Variants in RXRG observed in about 807,000 individuals in gnomAD.
RXRG encodes the protein retinoic acid receptor RXR-gamma.
A neutral mutation model predicts 49.2 loss-of-function variants in RXRG; 19 were observed. That is an observed-to-expected ratio of 0.39 (90% CI 0.27 to 0.57). RXRG has a LOEUF of 0.57. RXRG is among the 20% of genes least tolerant of loss of function. The pLI, the probability that RXRG is intolerant of heterozygous loss-of-function variation, is 0.64. For synonymous variants in RXRG, 224 were observed against 216.6 expected (o/e 1.03, Z -0.30); for missense variants, 452 against 592.5 (o/e 0.76, Z 2.46).
chr1:165,432,985 T>A (rs1557924709), intron 1 of RXRG, among the ~76,000 whole-genome samples: 1 of 152,048 alleles, frequency 6.6e-6, no homozygotes, highest in Non-Finnish European at 1.5e-5. Context: ...TGGAAGTGAG[T>A]AGGCCATGAG....
rs1424345404 is a variant in RXRG, at chr1:165,409,917, C to T, written c.914-227G>A. On this transcript the variant is annotated intron_variant, in intron 6 of 9. Transcript: ENST00000359842. ...ACATCCCCCCACTCTCTCTCAGATG[C>T]AACCCAGAATGACAGCTTGAAGACA... Among the ~76,000 whole-genome samples the T allele has an allele frequency of 3.3e-5, 5 of 151,586 alleles. No homozygotes were observed. The East Asian group carries it at 5.8e-4, about 18-fold the overall frequency.
At chr1:165,411,382 A>C (rs1657942537) in intron 4 of RXRG, among the ~76,000 whole-genome samples, 1 of 152,064 alleles carries the variant, frequency 6.6e-6, no homozygotes, top group Non-Finnish European at 1.5e-5. Context: ...AATAAACTCT[A>C]ATTGTATCCT....
intron 8 of RXRG, among the ~76,000 whole-genome samples, chr1:165,407,771 G>A (rs149264344): frequency 8.6e-5 from 13 of 151,912 alleles, no homozygotes; most frequent in African/African-American, 3.1e-4. Context: ...CCCACCCGCT[G>A]TCAGAACTTG....
intron 1 of RXRG, among the ~76,000 whole-genome samples, chr1:165,439,381 A>G (rs1467192991): frequency 6.6e-6 from 1 of 151,774 alleles, no homozygotes; most frequent in African/African-American, 2.4e-5. Flanking sequence ...ACCGGAAGCA[A>G]CCCCAGCTCC....
In RXRG at chr1:165,401,213, C is replaced by T; in HGVS notation, c.*50G>A. On this transcript the variant is annotated 3_prime_UTR_variant, in exon 10 of 10. Transcript: ENST00000359842. ...GGAAAGTGCAGGGTGGGGGTCCACA[C>T]ACACCTGCCCAGGGGTCATCCTGGG... The T allele has an allele frequency of 6.3e-7, 1 of 1,597,902 alleles. No homozygotes were observed. The highest frequency in any genetic ancestry group is 8.6e-7 in the Non-Finnish European group (1 of 1,168,974).
At chr1:165,423,132 C>G (rs1658374564) in intron 2 of RXRG, among the ~76,000 whole-genome samples, 1 of 152,210 alleles carries the variant, frequency 6.6e-6, no homozygotes, top group Admixed American at 6.5e-5. Flanking sequence ...CTGTCCATCT[C>G]TCTGGCTGGC....
intron 2 of RXRG, among the ~76,000 whole-genome samples, chr1:165,423,995 A>C (rs570775148): frequency 6.6e-6 from 1 of 152,344 alleles, no homozygotes; most frequent in African/African-American, 2.4e-5. Context: ...AACCCAGGTC[A>C]GGCTGCAGAG....
chr1:165,422,425 C>T (rs1223833945), intron 2 of RXRG, among the ~76,000 whole-genome samples: 2 of 152,156 alleles, frequency 1.3e-5, no homozygotes, highest in African/African-American at 4.8e-5. Context: ...TTGGATCATT[C>T]AGGAAGGAAA....
chr1:165,423,953 A>G (rs773347441), intron 2 of RXRG, among the ~76,000 whole-genome samples: 17 of 152,212 alleles, frequency 1.1e-4, no homozygotes, highest in Non-Finnish European at 2.1e-4. Context: ...TCAGTTATCA[A>G]TAAATATCTA....
chr1:165,444,842 T>C lies in RXRG; in HGVS notation c.49+3A>G. 6.2e-7 allele frequency: 1 copy of C among 1,614,008 alleles called. No individual in the cohort carries two copies. ...CGCAGTGAAGCCCAAGGGAGATACT[T>C]ACCTCCATAGCCTGCGGGAAACTTC... On this transcript the variant is annotated splice_donor_region_variant and intron_variant, in intron 1 of 9. Transcript: ENST00000359842.
rs796739057 is a variant in RXRG, at chr1:165,403,664, C to A, written c.1245-2254G>T. 3.3e-5 allele frequency among the ~76,000 whole-genome samples: 5 copies of A among 152,320 alleles called. No homozygotes were observed. The South Asian group carries it at 8.3e-4, about 25-fold the overall frequency. On this transcript the variant is annotated intron_variant, in intron 9 of 9. Coordinates refer to ENST00000359842, the MANE Select transcript of RXRG (RefSeq NM_006917.5). ...AGTTAGAGAATAAGGAGGCTGAACT[C>A]CCGGCCGTGCCTCTGCCGTTAAGCT...
At chr1:165,432,824 C>G (rs1427101023) in intron 1 of RXRG, among the ~76,000 whole-genome samples, 1 of 152,186 alleles carries the variant, frequency 6.6e-6, no homozygotes, top group East Asian at 1.9e-4. Context: ...TTCTGTCTAG[C>G]CCTCAGCCTA....
In RXRG at chr1:165,411,431, G is replaced by C. The variant is rs577865930; in HGVS notation, c.623-322C>G. ...CCAACCACTCCTTGCTATCCCTGCA[G>C]ATCCCCACATTCTTGCTCTACCTGC... On this transcript the variant is annotated intron_variant, in intron 4 of 9. Transcript: ENST00000359842. Among the ~76,000 whole-genome samples the C allele has an allele frequency of 2.6e-5, 4 of 152,292 alleles. 1 individual carries two copies. The South Asian group carries it at 8.3e-4, about 32-fold the overall frequency.
intron 9 of RXRG, among the ~76,000 whole-genome samples, chr1:165,402,365 C>G (rs1259269274): frequency 6.6e-6 from 1 of 152,224 alleles, no homozygotes; most frequent in Admixed American, 6.5e-5. Context: ...GGATTACAGG[C>G]GTGAGCCACC....
intron 3 of RXRG, among the ~76,000 whole-genome samples, chr1:165,417,911 C>A (rs549014387): frequency 3.3e-5 from 5 of 152,068 alleles, no homozygotes; most frequent in Non-Finnish European, 7.4e-5. Context: ...TTAGACCAGC[C>A]TGGCCAACAT....
chr1:165,423,704 G>A (rs1424276796), intron 2 of RXRG, among the ~76,000 whole-genome samples: 1 of 151,350 alleles, frequency 6.6e-6, no homozygotes, highest in Admixed American at 6.6e-5. Flanking sequence ...GTGTGTTGCT[G>A]GGGGCGGTGG....
chr1:165,409,492 TACACACAC>T lies in RXRG; in HGVS notation c.1046+58_1046+65del, dbSNP rs55949511. On this transcript the variant is annotated intron_variant, in intron 7 of 9. Transcript: ENST00000359842. The stretch of plus-strand genomic sequence containing the variant: ...GAATTCATGTATGTACACATGTGTA[TACACACAC>T]ACACACACACACACACACACATAAT... 9.4e-4 allele frequency: 1,149 copies of T among 1,219,178 alleles called. 1 individual carries two copies. The East Asian group carries it at 9.6e-3, about 10-fold the overall frequency. 75.5% of individuals were successfully genotyped at this position (1,219,178 alleles called of 1,614,324 possible).
intron 2 of RXRG, among the ~76,000 whole-genome samples, chr1:165,423,278 T>A (rs1484732283): frequency 6.6e-6 from 1 of 152,158 alleles, no homozygotes; most frequent in Non-Finnish European, 1.5e-5. Flanking sequence ...TCTACTGAAA[T>A]AAGCACTTTA....
At chr1:165,429,084 A>T in intron 1 of RXRG, 118 bp from the exon 2 acceptor site, 1 of 1,111,620 alleles carries the variant, frequency 9.0e-7, no homozygotes. Context: ...AGCCACACCT[A>T]CACACCTGTA....
Sources: allele counts gnomAD v4.1 joint callset (sites outside exome capture counted in the v4.1 genomes callset), GRCh38; gene constraint gnomAD v4.1.1; transcripts MANE v1.5; gene names NCBI Gene and HGNC (gene_info 2026-07-23, HGNC 2026-07-21).